SOX6: variants seen among roughly 807,000 people sequenced by gnomAD.
SOX6 encodes SRY-box transcription factor 6.
Under a neutral mutation model 97.8 loss-of-function variants are expected in SOX6, and 11 were observed. That is an observed-to-expected ratio of 0.11 (90% CI 0.07 to 0.19). The LOEUF (loss-of-function observed/expected upper bound fraction) is 0.19, where lower values mean the gene tolerates loss of function less well. Among genes scored for constraint, SOX6 ranks in the 10% least tolerant of loss-of-function variants. The probability of loss-of-function intolerance (pLI) is 1.00; values close to 1 mark genes in which losing one functional copy is unlikely to be tolerated. For synonymous variants in SOX6, 360 were observed against 371.4 expected (o/e 0.97, Z 0.35); for missense variants, 810 against 1,039.5 (o/e 0.78, Z 3.04).
intron 4 of SOX6, among the ~76,000 whole-genome samples, chr11:16,229,292 T>C (rs926149215): frequency 6.6e-6 from 1 of 152,082 alleles, no homozygotes; most frequent in African/African-American, 2.4e-5. Flanking sequence ...AAGCTATTTC[T>C]AGAAATATAT....
chr11:16,186,654 T>C (rs1851484962), intron 5 of SOX6, 129 bp downstream of exon 5: 4 of 1,167,366 alleles, frequency 3.4e-6, no homozygotes, highest in Non-Finnish European at 4.8e-6. Context: ...GTTTTTTTTT[T>C]CCATCTTTTC....
intron 3 of SOX6, among the ~76,000 whole-genome samples, chr11:16,652,281 C>T (rs1340914386): frequency 1.3e-5 from 2 of 151,948 alleles, no homozygotes; most frequent in Non-Finnish European, 2.9e-5. Flanking sequence ...CATGTAGAAC[C>T]TAAAAAGACC....
At chr11:16,389,741 G>A (rs993242230) in intron 1 of SOX6, among the ~76,000 whole-genome samples, 1 of 151,800 alleles carries the variant, frequency 6.6e-6, no homozygotes, top group Admixed American at 6.6e-5. Context: ...GGCCGAGGTG[G>A]GCGGATCACG....
intron 3 of SOX6, among the ~76,000 whole-genome samples, chr11:16,288,686 A>G (rs898858183): frequency 1.3e-5 from 2 of 152,002 alleles, no homozygotes; most frequent in Non-Finnish European, 2.9e-5. Flanking sequence ...CATACCAGAT[A>G]GTGAAGTTTC....
intron 9 of SOX6, among the ~76,000 whole-genome samples, chr11:16,070,806 T>C (rs1294583197): frequency 1.3e-5 from 2 of 152,090 alleles, no homozygotes; most frequent in African/African-American, 4.8e-5. Flanking sequence ...CAGGGACCTG[T>C]GCAAGACTAG....
intron 1 of SOX6, among the ~76,000 whole-genome samples, chr11:16,374,122 A>G (rs1270812876): frequency 1.3e-5 from 2 of 152,028 alleles, no homozygotes; most frequent in African/African-American, 2.4e-5. Flanking sequence ...ATAAAGCCAA[A>G]TCTTTCTTTC....
intron 12 of SOX6, among the ~76,000 whole-genome samples, chr11:16,026,127 A>C (rs1227833546): frequency 3.3e-5 from 5 of 152,162 alleles, no homozygotes; most frequent in Admixed American, 2.6e-4. Flanking sequence ...CTGCAAAATG[A>C]GGGAGTTAAG....
chr11:16,138,849 T>C (rs1174165122), intron 6 of SOX6, among the ~76,000 whole-genome samples: 1 of 152,154 alleles, frequency 6.6e-6, no homozygotes, highest in African/African-American at 2.4e-5. Flanking sequence ...TGGTTTCCAG[T>C]TTCATCCTTG....
chr11:16,601,811 C>A lies in SOX6; in HGVS notation n.609+10270G>T, dbSNP rs7932345. ...GGTCAAATAGAAACAGACATAAAATCTCAATAATGCCATCAAATTTTATCA... is the reference window on the plus strand; with the variant it reads ...GGTCAAATAGAAACAGACATAAAATATCAATAATGCCATCAAATTTTATCA... On this transcript the variant is annotated intron_variant and non_coding_transcript_variant, in intron 4 of 5. Coordinates refer to the SOX6 transcript ENST00000524520. 3.5e-3 allele frequency among the ~76,000 whole-genome samples: 538 copies of A among 152,100 alleles called. 3 individuals are homozygous for A. Among genetic ancestry groups the A allele is most frequent in the African/African-American group, 0.012 (506 of 41,536 alleles).
At position 16,624,423 on chromosome 11, in the gene SOX6, C is replaced by T. The variant is rs527386879; in HGVS notation, n.430-12163G>A. ...GGATGATCTCGATCTCTTGACCTCA[C>T]GATCTGCCTCCCAAAGTGCTGGGAT... On this transcript the variant is annotated intron_variant and non_coding_transcript_variant, in intron 3 of 5. Transcript: ENST00000524520. 3.9e-5 allele frequency among the ~76,000 whole-genome samples: 6 copies of T among 152,070 alleles called. No homozygotes were observed. In the South Asian group the frequency reaches 6.2e-4, roughly 16 times the overall value.
chr11:16,470,437 G>A (rs1860120620), intron 1 of SOX6, among the ~76,000 whole-genome samples: 1 of 151,966 alleles, frequency 6.6e-6, no homozygotes, highest in African/African-American at 2.4e-5. Flanking sequence ...TGTGATTTTT[G>A]TTTGTTTGCT....
Position 16,132,397 on chromosome 11 carries a change from AGAAAAAAG to A in SOX6, c.778-20482_778-20475del, listed in dbSNP as rs1180333537. Among the ~76,000 whole-genome samples the A allele has an allele frequency of 3.6e-3, 302 of 82,822 alleles. 2 individuals carry two copies. The highest frequency in any genetic ancestry group is 4.8e-3 in the Middle Eastern group (1 of 208). 54.3% of individuals were successfully genotyped at this position (82,822 alleles called of 152,430 possible). On this transcript the variant is annotated intron_variant, in intron 6 of 15. Transcript: ENST00000683767. ...AAGAAAGAAAGAAAGAAAGAAAGAA[AGAAAAAAG>A]AAAGAAAGAAAGAAAGAAAGAAAGA...
At chr11:16,518,455 T>C (rs1353113786) in intron 4 of SOX6, among the ~76,000 whole-genome samples, 1 of 152,182 alleles carries the variant, frequency 6.6e-6, no homozygotes, top group African/African-American at 2.4e-5. Flanking sequence ...AGTTTTGCTT[T>C]ATATTACAAT....
At chr11:16,112,353 C>G (rs1237181425) in intron 6 of SOX6, among the ~76,000 whole-genome samples, 1 of 152,100 alleles carries the variant, frequency 6.6e-6, no homozygotes, top group Non-Finnish European at 1.5e-5. Flanking sequence ...AAAATAATGT[C>G]TAATTAATAT....
At chr11:16,257,438 A>C (rs1055467236) in intron 3 of SOX6, among the ~76,000 whole-genome samples, 1 of 151,992 alleles carries the variant, frequency 6.6e-6, no homozygotes, top group African/African-American at 2.4e-5. Flanking sequence ...GACATAAAGC[A>C]AAGGCAATCT....
intron 2 of SOX6, among the ~76,000 whole-genome samples, chr11:16,339,539 G>T (rs894143514): frequency 2.0e-5 from 3 of 151,920 alleles, no homozygotes; most frequent in Non-Finnish European, 4.4e-5. Context: ...TCTAAATTAG[G>T]TTTGCCCCAT....
intron 4 of SOX6, among the ~76,000 whole-genome samples, chr11:16,545,619 T>C (rs995803897): frequency 6.6e-6 from 1 of 151,884 alleles, no homozygotes; most frequent in Non-Finnish European, 1.5e-5. Flanking sequence ...GAACAATTAG[T>C]CAAGAGAAAG....
chr11:16,406,515 A>G (rs1858689864), intron 1 of SOX6, among the ~76,000 whole-genome samples: 1 of 152,136 alleles, frequency 6.6e-6, no homozygotes, highest in South Asian at 2.1e-4. Flanking sequence ...AGGCTAGTCC[A>G]GGATTGTTCT....
chr11:16,374,817 T>C (rs1362444394), intron 1 of SOX6, among the ~76,000 whole-genome samples: 2 of 152,126 alleles, frequency 1.3e-5, no homozygotes, highest in African/African-American at 4.8e-5. Flanking sequence ...AGACAAATAC[T>C]TAAATAGGAA....
Sources: gnomAD v4.1 joint callset for allele counts (sites outside exome capture counted in the v4.1 genomes callset) on GRCh38, gnomAD v4.1.1 for gene constraint, MANE v1.5 for transcripts, NCBI Gene and HGNC (gene_info 2026-07-23, HGNC 2026-07-21) for gene names.